Variants in C5 observed in about 807,000 individuals in gnomAD.
C5 encodes C3 and PZP-like alpha-2-macroglobulin domain-containing protein 4.
C5 carries 140 observed loss-of-function variants against 218.8 expected under a neutral mutation model. That is an observed-to-expected ratio of 0.64 (90% confidence interval 0.56 to 0.74). C5 has a LOEUF of 0.74. Ranked by LOEUF, C5 falls within the 30% of genes least tolerant of loss-of-function variation. C5 has a pLI of 0.00. For missense variants in C5, 1,700 were observed against 1,969.6 expected (o/e 0.86, Z 2.59); for synonymous variants, 614 against 682.3 (o/e 0.90, Z 1.56).
rs367758619 is a variant in C5, at chr9:120,960,368, G to C, written c.4589-31C>G. ...TTTTGTGAAAATTGGTAAAAATAAG[G>C]TTAATGGAAAGAAGTAGACACTCTT... On this transcript the variant is annotated intron_variant, in intron 37 of 40. Transcript: ENST00000223642. 6 of 1,471,854 alleles carry C rather than the reference G, an allele frequency of 4.1e-6. No homozygotes were observed. The African/African-American group carries it at 6.9e-5, about 17-fold the overall frequency. The allele number at this position is 1,471,854 out of a possible 1,614,324, so 91.2% of individuals were successfully genotyped here. A position where few individuals can be genotyped will look rare whatever the true frequency, so the allele number is the denominator to read the frequency against.
At chr9:120,971,889 T>C in intron 31 of C5, 41 bp downstream of exon 31, 1 of 1,467,764 alleles carries the variant, frequency 6.8e-7, no homozygotes, top group Non-Finnish European at 9.5e-7. Context: ...CTAGTACAAA[T>C]GGACACATAA....
At chr9:121,017,315 G>A in intron 14 of C5, 47 bp downstream of exon 14, 7 of 1,609,126 alleles carry the variant, frequency 4.4e-6, no homozygotes, top group East Asian at 2.2e-5. Context: ...TCCTAGCCTG[G>A]TGGCCACACT....
At chr9:121,058,031 T>C in the C5 span, among the ~76,000 whole-genome samples, 1 of 152,296 alleles carries the variant, frequency 6.6e-6, no homozygotes, top group Non-Finnish European at 1.5e-5. Flanking sequence ...TAAATGTTAA[T>C]CACGTCTCAA....
chr9:121,014,940 A>G (rs1036179042), intron 16 of C5, among the ~76,000 whole-genome samples: 21 of 152,178 alleles, frequency 1.4e-4, no homozygotes, highest in African/African-American at 4.6e-4. Flanking sequence ...GAAAATATTT[A>G]TGACAAATAA....
intron 17 of C5, among the ~76,000 whole-genome samples, chr9:121,012,274 A>AG (rs745677351): frequency 1.3e-5 from 2 of 152,218 alleles, no homozygotes; most frequent in South Asian, 2.1e-4. Flanking sequence ...AAAAATTAAG[A>AG]GAAAAAAAAG....
At chr9:121,031,987 CAGGAGGCGGAGGTTGCAGTGAGCTG>C (rs2047479074) in intron 6 of C5, 101 bp downstream of exon 6, 7 of 581,330 alleles carry the variant, frequency 1.2e-5, no homozygotes, top group Non-Finnish European at 2.2e-5. Context: ...TGCTTGAACC[CAGGAGGCGGAGGTTGCAGTGAGCTG>C]AGATCGTGCC....
chr9:121,040,469 A>G (rs1317431937), intron 3 of C5, among the ~76,000 whole-genome samples: 2 of 152,218 alleles, frequency 1.3e-5, no homozygotes, highest in Non-Finnish European at 2.9e-5. Context: ...TACACTAAAA[A>G]TCCCTCAAGA....
the C5 span, among the ~76,000 whole-genome samples, chr9:121,060,270 A>ATT: frequency 2.0e-5 from 3 of 152,182 alleles, no homozygotes; most frequent in African/African-American, 7.2e-5. Context: ...AGAAAGCTGG[A>ATT]ATAATTCGTG....
the C5 span, among the ~76,000 whole-genome samples, chr9:121,071,928 C>T: frequency 6.6e-6 from 1 of 152,184 alleles, no homozygotes; most frequent in African/African-American, 2.4e-5. Context: ...AAATGCAACT[C>T]AGAGTACATT....
intron 3 of C5, among the ~76,000 whole-genome samples, chr9:121,038,849 A>G (rs2047552546): frequency 6.6e-6 from 1 of 152,206 alleles, no homozygotes; most frequent in Admixed American, 6.5e-5. Flanking sequence ...GATAAAAACA[A>G]TGTGCTCAGT....
intron 2 of C5, 68 bp downstream of exon 2, chr9:121,046,123 C>A: frequency 1.2e-6 from 1 of 813,508 alleles, no homozygotes. Flanking sequence ...AATATTCAAA[C>A]TTTGTACACA....
chr9:121,026,252 G>T (rs1451769883), intron 8 of C5, among the ~76,000 whole-genome samples: 1 of 152,140 alleles, frequency 6.6e-6, no homozygotes, highest in Admixed American at 6.5e-5. Flanking sequence ...AAAATGACAT[G>T]AACTCATATC....
At chr9:120,954,247 C>T (rs2046769090) in intron 39 of C5, among the ~76,000 whole-genome samples, 1 of 152,140 alleles carries the variant, frequency 6.6e-6, no homozygotes, top group Non-Finnish European at 1.5e-5. Context: ...CTTATATAAC[C>T]AGAATTAAAA....
chr9:121,045,660 C>A (rs906007103), intron 2 of C5, among the ~76,000 whole-genome samples: 1 of 152,112 alleles, frequency 6.6e-6, no homozygotes, highest in African/African-American at 2.4e-5. Flanking sequence ...ATCTATACTA[C>A]AATATCTTAA....
the C5 span, among the ~76,000 whole-genome samples, chr9:121,067,440 C>A: frequency 6.6e-6 from 1 of 150,774 alleles, no homozygotes; most frequent in Non-Finnish European, 1.5e-5. Flanking sequence ...GGTGCGTGCC[C>A]ATAGTCCCAG....
chr9:120,965,031 G>GA (rs1289724227), intron 33 of C5, among the ~76,000 whole-genome samples: 1 of 152,166 alleles, frequency 6.6e-6, no homozygotes, highest in Non-Finnish European at 1.5e-5. Context: ...CAAGATGCTT[G>GA]AAAGGCAGCT....
the C5 span, among the ~76,000 whole-genome samples, chr9:121,071,147 A>G: frequency 6.6e-6 from 1 of 152,070 alleles, no homozygotes; most frequent in Non-Finnish European, 1.5e-5. Context: ...TGTCTGTACT[A>G]AAAATACACA....
In C5 at chr9:121,037,920, G is replaced by T; in HGVS notation, c.453C>A (p.Asp151Glu). The T allele has an allele frequency of 1.3e-6, 2 of 1,536,226 alleles. No individual in the cohort carries two copies. Among genetic ancestry groups the T allele is most frequent in the Non-Finnish European group, 1.8e-6 (2 of 1,121,318 alleles). The change falls in exon 4 of 41, where the codon GAC (aspartate) becomes GAA (glutamate). Residue 151 changes from aspartate (D) to glutamate (E), a missense_variant. Transcript: ENST00000223642. ...VKVRVYSLND[D>E]LKPAKRETVL... ...CAGTTTCTCTTTTGGCTGGCTTCAA[G>T]TCGTCATTCAACGAATAAACTCTAA...
Position 120,982,762 on chromosome 9 carries a change from G to T in C5, c.3283C>A (p.Gln1095Lys). 6.2e-7 allele frequency: 1 copy of T among 1,602,204 alleles called. No homozygotes were observed. Among genetic ancestry groups the T allele is most frequent in the Non-Finnish European group, 8.5e-7 (1 of 1,169,936 alleles). Reference protein sequence around the residue: ...VLGQVNKYVEQNQNSICNSLL... With the variant: ...VLGQVNKYVEKNQNSICNSLL... Reference sequence around the variant, plus strand: ...GAATTACAAATTGAATTTTGGTTCTGCTCTACGTATTTATTTACTTGTCCA... The same window carrying T: ...GAATTACAAATTGAATTTTGGTTCTTCTCTACGTATTTATTTACTTGTCCA... The change falls in exon 26 of 41, where the codon CAG becomes AAG. Residue 1095 changes from glutamine to lysine, a missense_variant. Coordinates refer to ENST00000223642, the MANE Select transcript of C5 (RefSeq NM_001735.3).
Sources: allele counts gnomAD v4.1 joint callset (sites outside exome capture counted in the v4.1 genomes callset), GRCh38; gene constraint gnomAD v4.1.1; transcripts MANE v1.5; gene names NCBI Gene and HGNC (gene_info 2026-07-23, HGNC 2026-07-21).